ADGRB1: variants seen among roughly 807,000 people sequenced by gnomAD.
ADGRB1 encodes the protein adhesion G protein-coupled receptor B1.
In ADGRB1, 36 loss-of-function variants were observed where a neutral mutation model predicts 175.7. The observed-to-expected ratio is 0.20, with a 90% confidence interval of 0.16 to 0.27. The LOEUF is 0.27. Ranked by LOEUF, ADGRB1 falls within the 10% of genes least tolerant of loss-of-function variation. ADGRB1 has a pLI of 1.00. For synonymous variants in ADGRB1, 1,054 were observed against 979.4 expected, an observed-to-expected ratio of 1.08 and a Z score of -1.42; for missense variants, 1,731 against 2,255.3, an observed-to-expected ratio of 0.77 and a Z score of 4.71.
intron 25 of ADGRB1, among the ~76,000 whole-genome samples, 174 bp from the exon 26 acceptor site, chr8:142,536,813 C>T (rs1844953335): frequency 6.6e-6 from 1 of 152,100 alleles, no homozygotes; most frequent in Non-Finnish European, 1.5e-5. Flanking sequence ...CCCTTCTCCA[C>T]CCAGTGGGTC....
chr8:142,458,011 C>T (rs996291529), intron 1 of ADGRB1, among the ~76,000 whole-genome samples: 5 of 152,166 alleles, frequency 3.3e-5, no homozygotes, highest in African/African-American at 4.8e-5. Context: ...CCCCTCCCCC[C>T]GTGCAGTCTT....
chr8:142,544,298 A>G lies in ADGRB1; in HGVS notation c.4636A>G (p.Lys1546Glu), dbSNP rs1280539217. ...CCACGGGACGCCCACGTGGGTGAAG[A>G]AGGAGCTGGAGCCGCTGCAGCCGTC... The part of the protein sequence containing the change: ...KAHGTPTWVK[K>E]ELEPLQPSPL... Residue 1546 changes from lysine (K) to glutamate (E), a missense_variant, in exon 31 of 31, where the codon AAG becomes GAG. Physicochemically the swap from Lys to Glu is moderately conservative, Grantham distance 56. Coordinates refer to ENST00000517894, the MANE Select transcript of ADGRB1 (RefSeq NM_001702.3). The G allele has an allele frequency of 1.3e-6, 2 of 1,549,196 alleles. No homozygotes were observed. Among genetic ancestry groups the G allele is most frequent in the African/African-American group, 1.4e-5 (1 of 73,004 alleles).
chr8:142,475,695 G>A lies in ADGRB1; in HGVS notation c.946+60G>A. Reference sequence around the variant, plus strand: ...CTGGAGAGGCGGGGCCTGTGAGGGAGGAGAGGGGGGTGGGGCCCTGGAGAG... The same window carrying A: ...CTGGAGAGGCGGGGCCTGTGAGGGAAGAGAGGGGGGTGGGGCCCTGGAGAG... On this transcript the variant is annotated intron_variant, in intron 3 of 30. Coordinates refer to ENST00000517894, the MANE Select transcript of ADGRB1 (RefSeq NM_001702.3). The A allele has an allele frequency of 5.8e-6, 7 of 1,207,960 alleles. 1 individual carries two copies. The highest frequency in any genetic ancestry group is 7.2e-6 in the Non-Finnish European group (7 of 972,974). 74.8% of individuals were successfully genotyped at this position (1,207,960 alleles called of 1,614,324 possible).
intron 2 of ADGRB1, among the ~76,000 whole-genome samples, chr8:142,469,092 C>T (rs1840438330): frequency 6.6e-6 from 1 of 152,270 alleles, no homozygotes; most frequent in Non-Finnish European, 1.5e-5. Context: ...CGAGTGGTAA[C>T]ACTAGGGCGT....
At chr8:142,483,249 C>T (rs1304298685) in intron 11 of ADGRB1, among the ~76,000 whole-genome samples, 1 of 149,016 alleles carries the variant, frequency 6.7e-6, no homozygotes, top group Non-Finnish European at 1.5e-5. Context: ...ACCCTGGTCA[C>T]ACACTGAGCC....
chr8:142,460,078 G>C (rs1288568321), intron 1 of ADGRB1, among the ~76,000 whole-genome samples: 1 of 152,274 alleles, frequency 6.6e-6, no homozygotes, highest in African/African-American at 2.4e-5. Flanking sequence ...GCCTGGCGTG[G>C]GGGGGACAGG....
intron 2 of ADGRB1, among the ~76,000 whole-genome samples, chr8:142,465,295 T>C (rs1344688305): frequency 6.6e-6 from 1 of 152,170 alleles, no homozygotes; most frequent in African/African-American, 2.4e-5. Context: ...GGTTGAGCAT[T>C]GAAGGCCTAA....
chr8:142,534,144 G>A (rs1412603027), intron 25 of ADGRB1, among the ~76,000 whole-genome samples: 1 of 152,338 alleles, frequency 6.6e-6, no homozygotes, highest in African/African-American at 2.4e-5. Context: ...GGTAGGCAGG[G>A]AAGCAGGATG....
rs534575999 is a variant in ADGRB1, at chr8:142,502,652, G to A, written c.2676-8280G>A. On this transcript the variant is annotated intron_variant, in intron 17 of 30. Transcript: ENST00000517894. ...TGGGGACGGTGACGGTGGTGATGGTGGTGATGGTGATGGTGGTAGTAAGGG... is the reference window on the plus strand; with the variant it reads ...TGGGGACGGTGACGGTGGTGATGGTAGTGATGGTGATGGTGGTAGTAAGGG... 1.4e-4 allele frequency among the ~76,000 whole-genome samples: 7 copies of A among 51,184 alleles called. No homozygotes were observed. The East Asian group carries it at 2.4e-3, about 18-fold the overall frequency. The allele number at this position is 51,184 out of a possible 152,430, so 33.6% of individuals were successfully genotyped here.
Position 142,542,101 on chromosome 8 carries a change from C to T in ADGRB1, c.3867C>T (p.His1289=), listed in dbSNP as rs749465849. 23 of 1,613,286 alleles carry T rather than the reference C, an allele frequency of 1.4e-5. No homozygotes were observed. The highest frequency in any genetic ancestry group is 5.0e-5 in the Admixed American group (3 of 60,006). Residue 1289 remains histidine (H), a synonymous_variant, in exon 28 of 31, where the codon CAC becomes CAT. Coordinates refer to ENST00000517894, the MANE Select transcript of ADGRB1 (RefSeq NM_001702.3). This position sits in a 1 kb window ranked among gnomAD's most constrained non-coding sequence, Gnocchi z 6.3. ...LPANVSKLHL[H]GSPRYPGGPL... is the part of the protein sequence containing the mutation. ...CCAACGTGTCCAAGCTGCACCTGCA[C>T]GGCTCACCCCGCTATCCCGGCGGGC...
chr8:142,537,052 C>A lies in ADGRB1; in HGVS notation c.3636C>A (p.Gly1212=). The A allele has an allele frequency of 6.3e-7, 1 of 1,579,052 alleles. No homozygotes were observed. The highest frequency in any genetic ancestry group is 8.6e-7 in the Non-Finnish European group (1 of 1,162,952). ...AGGAGGGCAACGGGGACTCAGGGGG[C>A]TCCTTCCAGAACGGCCACGCCCAGC... The part of the protein sequence containing the change: ...RQEEGNGDSG[G]SFQNGHAQLM... The change falls in exon 26 of 31, where the codon GGC becomes GGA. Residue 1212 remains glycine (G), a synonymous_variant. Transcript: ENST00000517894. This position sits in a 1 kb window ranked among gnomAD's most constrained non-coding sequence, Gnocchi z 4.6.
chr8:142,472,518 T>C (rs982836940), intron 2 of ADGRB1, among the ~76,000 whole-genome samples: 1 of 152,168 alleles, frequency 6.6e-6, no homozygotes, highest in African/African-American at 2.4e-5. Flanking sequence ...GAAGCGTGGC[T>C]TGAACACCTC....
rs539158393 is a variant in ADGRB1 at position 142,521,859 on chromosome 8, G to T, written c.3025-106G>T. 47 of 1,345,020 alleles carry T rather than the reference G, an allele frequency of 3.5e-5. 2 individuals are homozygous for T. In the South Asian group the frequency reaches 5.9e-4, roughly 17 times the overall value. The allele number at this position is 1,345,020 out of a possible 1,614,324, so 83.3% of individuals were successfully genotyped here. A position where few individuals can be genotyped will look rare whatever the true frequency, so the allele number is the denominator to read the frequency against. On this transcript the variant is annotated intron_variant, in intron 20 of 30. Transcript: ENST00000517894. ...CCTGGGGACCTGGTTGGGTCCCAGT[G>T]AGGGTGCTGGGTGCTGGGCTGCCAG...
chr8:142,486,658 A>G (rs550583488), intron 13 of ADGRB1, among the ~76,000 whole-genome samples: 96 of 152,234 alleles, frequency 6.3e-4, no homozygotes, highest in Non-Finnish European at 1.2e-3. Context: ...CCACTAAAAC[A>G]TGTCCAAGAC....
At chr8:142,539,316 G>C in intron 26 of ADGRB1, 58 bp from the exon 27 acceptor site, 2 of 1,541,030 alleles carry the variant, frequency 1.3e-6, no homozygotes, top group Non-Finnish European at 1.8e-6. Context: ...CTGTGCACGC[G>C]TGCACACACC....
At position 142,510,693 on chromosome 8, in the gene ADGRB1, G is replaced by C. The variant is rs1416054698; in HGVS notation, c.2676-239G>C. Among the ~76,000 whole-genome samples, 1 of 144,996 alleles carries C rather than the reference G, an allele frequency of 6.9e-6. No homozygotes were observed. Among genetic ancestry groups the C allele is most frequent in the African/African-American group, 2.5e-5 (1 of 40,420 alleles). ...CGGCTCCCCCGCCCGGCGCTCCCTC[G>C]GGCTGCGCTCCGCGGCTCTCGGCGG... is the stretch of plus-strand genomic sequence containing the variant. On this transcript the variant is annotated intron_variant, in intron 17 of 30. Coordinates refer to ENST00000517894, the MANE Select transcript of ADGRB1 (RefSeq NM_001702.3). This position sits in a 1 kb window ranked among gnomAD's most constrained non-coding sequence, Gnocchi z 6.3.
chr8:142,505,654 C>A (rs1167021794), intron 17 of ADGRB1, among the ~76,000 whole-genome samples: 1 of 152,148 alleles, frequency 6.6e-6, no homozygotes, highest in Non-Finnish European at 1.5e-5. Context: ...TGGGGCCAGT[C>A]CCTGCGGGCC....
chr8:142,470,513 TGTGTGTGTCCCTCTGTG>T (rs1410659948), intron 2 of ADGRB1, among the ~76,000 whole-genome samples: 11 of 151,224 alleles, frequency 7.3e-5, no homozygotes, highest in African/African-American at 2.7e-4. Flanking sequence ...TGTGTCCCTG[TGTGTGTGTCCCTCTGTG>T]GTGTGTGTCC....
intron 1 of ADGRB1, among the ~76,000 whole-genome samples, chr8:142,453,024 TCCCGCCCGCCCG>T (rs934433944): frequency 3.4e-5 from 4 of 119,026 alleles, no homozygotes; most frequent in East Asian, 2.8e-4. Context: ...GCCACCTCCC[TCCCGCCCGCCCG>T]CCCGCCCGCT....
Sources: gnomAD v4.1 joint callset for allele counts (sites outside exome capture counted in the v4.1 genomes callset) on GRCh38, gnomAD v4.1.1 for gene constraint, Gnocchi (gnomAD v3.1) non-coding constraint, MANE v1.5 for transcripts, NCBI Gene and HGNC (gene_info 2026-07-23, HGNC 2026-07-21) for gene names.